Variants in PDE4D observed in about 807,000 individuals in gnomAD.
The protein encoded by PDE4D is 3',5'-cyclic-AMP phosphodiesterase 4D.
PDE4D carries 24 observed loss-of-function variants against 87.4 expected under a neutral mutation model. The observed-to-expected ratio is 0.27, with a 90% CI of 0.20 to 0.39. The LOEUF (loss-of-function observed/expected upper bound fraction) is 0.39, where lower values mean the gene tolerates loss of function less well. Among genes scored for constraint, PDE4D ranks in the 10% least tolerant of loss-of-function variants. The pLI is 1.00. For synonymous variants in PDE4D, 384 were observed against 383.2 expected, an observed-to-expected ratio of 1.00 and a Z score of -0.02; for missense variants, 714 against 1,041.0, an observed-to-expected ratio of 0.69 and a Z score of 4.32.
At chr5:60,521,951 A>C (rs372091714) in intron 1 of PDE4D, 2 of 141,032 alleles carry the variant, frequency 1.4e-5, no homozygotes, top group East Asian at 4.1e-4. Context: ...AAAAAAAAAA[A>C]TGCTTCCCTC....
intron 5 of PDE4D, among the ~76,000 whole-genome samples, chr5:59,128,211 C>T (rs13178514): frequency 0.16 from 24,276 of 151,970 alleles, 2,040 homozygotes; most frequent in African/African-American, 0.19. Context: ...TCAGAACCAG[C>T]GCCCAGGTCC....
At position 59,742,272 on chromosome 5, in the gene PDE4D, C is replaced by A. The variant is rs867845126; in HGVS notation, c.455+150896G>T. ...AGAGACGGGGTTTCACCATGTTGGT[C>A]AGGCTGGTCTCAAACTCCTGACCTC... On this transcript the variant is annotated intron_variant, in intron 1 of 14. Transcript: ENST00000340635. Among the ~76,000 whole-genome samples, 5 of 152,234 alleles carry A rather than the reference C, an allele frequency of 3.3e-5. No homozygotes were observed. In the South Asian group the frequency reaches 8.3e-4, roughly 25 times the overall value.
intron 12 of PDE4D, 123 bp from the exon 13 acceptor site, chr5:58,976,595 A>G: frequency 1.3e-6 from 1 of 767,150 alleles, no homozygotes. Context: ...ACAGTGGAAA[A>G]TCCTTACTAC....
At chr5:60,262,777 G>A (rs1168576970) in intron 1 of PDE4D, among the ~76,000 whole-genome samples, 1 of 152,134 alleles carries the variant, frequency 6.6e-6, no homozygotes, top group African/African-American at 2.4e-5. Flanking sequence ...CAACCTCAGC[G>A]AGGGTTCCTC....
rs113522576 is a variant in PDE4D at position 60,323,953 on chromosome 5, C to T, written c.-89-138266G>A. Among the ~76,000 whole-genome samples the T allele has an allele frequency of 3.3e-5, 5 of 152,266 alleles. No homozygotes were observed. In the South Asian group the frequency reaches 1.0e-3, roughly 32 times the overall value. On this transcript the variant is annotated intron_variant, in intron 1 of 16. Transcript: ENST00000502484. ...TATGGCCCCAACAAGAACTAACTCT[C>T]TCATTAATTTCCTCTGGTAGCACCA...
At chr5:60,292,723 G>A (rs932263083) in intron 1 of PDE4D, among the ~76,000 whole-genome samples, 4 of 152,062 alleles carry the variant, frequency 2.6e-5, no homozygotes, top group Admixed American at 6.6e-5. Flanking sequence ...CTAATTAGAC[G>A]AACAGGTCCT....
chr5:60,121,964 A>G (rs1275143588), intron 2 of PDE4D, among the ~76,000 whole-genome samples: 1 of 152,092 alleles, frequency 6.6e-6, no homozygotes, highest in African/African-American at 2.4e-5. Context: ...AATGGGAGAA[A>G]TTGGCCAAAA....
intron 3 of PDE4D, among the ~76,000 whole-genome samples, chr5:59,903,297 G>A (rs1393840221): frequency 1.3e-5 from 2 of 151,800 alleles, no homozygotes; most frequent in Non-Finnish European, 2.9e-5. Flanking sequence ...AGGAAGCGGG[G>A]TTTGCAGGCA....
chr5:60,363,018 C>T (rs781567718), intron 1 of PDE4D, among the ~76,000 whole-genome samples: 34 of 152,194 alleles, frequency 2.2e-4, no homozygotes, highest in African/African-American at 7.0e-4. Flanking sequence ...TGCTTATCAC[C>T]GGTTGCTTAT....
intron 1 of PDE4D, among the ~76,000 whole-genome samples, chr5:60,251,234 G>A (rs1444805783): frequency 1.3e-5 from 2 of 151,690 alleles, no homozygotes; most frequent in African/African-American, 4.8e-5. Flanking sequence ...TTAAGTTTAG[G>A]GGTACATGTG....
intron 1 of PDE4D, among the ~76,000 whole-genome samples, chr5:59,838,318 A>T (rs915389855): frequency 5.3e-5 from 8 of 152,022 alleles, no homozygotes; most frequent in Admixed American, 6.6e-5. Flanking sequence ...CTTCTTACCT[A>T]ACAAAGAAGA....
chr5:59,766,751 T>C (rs1762849973), intron 1 of PDE4D, among the ~76,000 whole-genome samples: 1 of 152,258 alleles, frequency 6.6e-6, no homozygotes, highest in African/African-American at 2.4e-5. Flanking sequence ...TCCCAGTGTT[T>C]ATTCATGCCT....
At chr5:59,349,481 A>AG (rs988069136) in intron 1 of PDE4D, among the ~76,000 whole-genome samples, 1 of 152,170 alleles carries the variant, frequency 6.6e-6, no homozygotes, top group Non-Finnish European at 1.5e-5. Flanking sequence ...TGCTCAGTCA[A>AG]GGTACTGTCT....
At chr5:60,403,398 G>T (rs1263155589) in intron 1 of PDE4D, among the ~76,000 whole-genome samples, 3 of 152,168 alleles carry the variant, frequency 2.0e-5, no homozygotes, top group African/African-American at 7.2e-5. Context: ...GAAATGTTCT[G>T]CAGATGAAGA....
intron 1 of PDE4D, among the ~76,000 whole-genome samples, chr5:59,865,068 G>A (rs1746818798): frequency 6.6e-6 from 1 of 152,190 alleles, no homozygotes; most frequent in Admixed American, 6.5e-5. Flanking sequence ...TCAGGAAAGG[G>A]CAGCAAGCCT....
intron 2 of PDE4D, among the ~76,000 whole-genome samples, chr5:60,000,596 G>A (rs1047277128): frequency 1.3e-5 from 2 of 152,150 alleles, no homozygotes; most frequent in African/African-American, 2.4e-5. Flanking sequence ...TTGAGACAAA[G>A]TATGCTAGAC....
intron 1 of PDE4D, among the ~76,000 whole-genome samples, chr5:59,886,826 T>A (rs1750227007): frequency 6.6e-6 from 1 of 151,974 alleles, no homozygotes; most frequent in Non-Finnish European, 1.5e-5. Flanking sequence ...GCCAACATTC[T>A]GAAGAGTCAA....
chr5:59,356,920 C>G lies in PDE4D; in HGVS notation c.456-140952G>C, dbSNP rs922837672. The G allele has an allele frequency of 1.4e-5, 20 of 1,450,102 alleles. No homozygotes were observed. In the East Asian group the frequency reaches 5.2e-4, roughly 38 times the overall value. The allele number at this position is 1,450,102 out of a possible 1,614,324, so 89.8% of individuals were successfully genotyped here. A position where few individuals can be genotyped will look rare whatever the true frequency, so the allele number is the denominator to read the frequency against. ...GGTGCGGGGCTCTGGGGCCCTGAGG[C>G]CCCGCACGGAGCAGGAGGCACTTGT... On this transcript the variant is annotated intron_variant, in intron 1 of 14. Coordinates refer to ENST00000340635, the MANE Select transcript of PDE4D (RefSeq NM_001104631.2).
chr5:59,889,408 G>T (rs1367507586), intron 1 of PDE4D, among the ~76,000 whole-genome samples: 2 of 151,784 alleles, frequency 1.3e-5, no homozygotes, highest in African/African-American at 4.8e-5. Flanking sequence ...TTGAGCACAT[G>T]TGTTCAAGGC....
Sources: gnomAD v4.1 joint callset for allele counts (sites outside exome capture counted in the v4.1 genomes callset) on GRCh38, gnomAD v4.1.1 for gene constraint, MANE v1.5 for transcripts, NCBI Gene and HGNC (gene_info 2026-07-23, HGNC 2026-07-21) for gene names.